Variants in AGBL1 observed in about 807,000 individuals in gnomAD.
The protein encoded by AGBL1 is AGBL carboxypeptidase 1.
A neutral mutation model predicts 118.9 loss-of-function variants in AGBL1; 130 were observed. That is an observed-to-expected ratio of 1.09 (90% CI 0.95 to 1.26). AGBL1 has a LOEUF of 1.26. Ranked by LOEUF, AGBL1 falls within the 50% of genes most tolerant of loss-of-function variation. The pLI is 0.00. For synonymous variants in AGBL1, 555 were observed against 478.9 expected, an observed-to-expected ratio of 1.16 and a Z score of -2.08; for missense variants, 1,584 against 1,298.1, an observed-to-expected ratio of 1.22 and a Z score of -3.38.
chr15:86,999,345 A>G (rs1253846767), intron 24 of AGBL1, among the ~76,000 whole-genome samples: 1 of 149,660 alleles, frequency 6.7e-6, no homozygotes, highest in South Asian at 2.1e-4. Flanking sequence ...AGCATTAGGT[A>G]TATCTCCCGA....
At chr15:86,267,658 T>A (rs778294954) in intron 13 of AGBL1, among the ~76,000 whole-genome samples, 9 of 152,192 alleles carry the variant, frequency 5.9e-5, no homozygotes, top group South Asian at 4.1e-4. Context: ...AAGGAAAGCC[T>A]AGGGCTGTAC....
chr15:86,972,312 G>A (rs973291277), intron 23 of AGBL1, among the ~76,000 whole-genome samples: 5 of 151,920 alleles, frequency 3.3e-5, no homozygotes, highest in African/African-American at 1.2e-4. Flanking sequence ...TCCTGAAATA[G>A]GCCTTGCTAT....
At chr15:86,642,623 A>T (rs113562073) in intron 21 of AGBL1, among the ~76,000 whole-genome samples, 3 of 151,354 alleles carry the variant, frequency 2.0e-5, no homozygotes, top group Non-Finnish European at 4.4e-5. Flanking sequence ...TACTTATTAA[A>T]TAATATTTAA....
rs560856891 is a variant in AGBL1 at position 86,086,690 on chromosome 15, C to G, written c.51+6667C>G. Among the ~76,000 whole-genome samples the G allele has an allele frequency of 2.2e-3, 332 of 152,202 alleles. 15 individuals are homozygous for G. The South Asian group carries it at 0.065, about 30-fold the overall frequency. ...AAACTGAATACATCTATGGAGTAAC[C>G]TACAGTAACATGGAGGAATCGCACA... On this transcript the variant is annotated intron_variant, in intron 1 of 22. Coordinates refer to ENST00000614907, the MANE Select transcript of AGBL1 (RefSeq NM_001386094.1).
intron 1 of AGBL1, among the ~76,000 whole-genome samples, chr15:86,118,947 G>A (rs1365658010): frequency 6.6e-6 from 1 of 152,198 alleles, no homozygotes; most frequent in Non-Finnish European, 1.5e-5. Context: ...ATGATTTCAA[G>A]CTGCCACAGC....
At chr15:86,382,240 C>G (rs1306554084) in intron 17 of AGBL1, among the ~76,000 whole-genome samples, 1 of 152,190 alleles carries the variant, frequency 6.6e-6, no homozygotes, top group Non-Finnish European at 1.5e-5. Flanking sequence ...GTATGCCACA[C>G]AGACCCGCAG....
At position 86,674,322 on chromosome 15, in the gene AGBL1, G is replaced by C. The variant is rs181958589; in HGVS notation, c.3044G>C (p.Cys1015Ser). 3,147 of 1,612,102 alleles carry C rather than the reference G, an allele frequency of 2.0e-3. 6 individuals carry two copies. Among genetic ancestry groups the C allele is most frequent in the Non-Finnish European group, 2.4e-3 (2,833 of 1,179,080 alleles). ...CTGGAGGAGATGGGAGCCATGTTCT[G>C]TTTGGGCCTCCTCATCCTGGAGCTC... ...RELEEMGAMF[C>S]LGLLILELKS... Residue 1015 changes from cysteine (C) to serine (S), a missense_variant, in exon 22 of 23, where the codon TGT becomes TCT. By Grantham distance (112) the Cys-to-Ser change is moderately radical (BLOSUM62 -1). Coordinates refer to ENST00000614907, the MANE Select transcript of AGBL1 (RefSeq NM_001386094.1).
At chr15:86,771,157 G>C (rs1346146291) in intron 22 of AGBL1, among the ~76,000 whole-genome samples, 3 of 152,022 alleles carry the variant, frequency 2.0e-5, no homozygotes, top group African/African-American at 4.8e-5. Context: ...GACTTGACTA[G>C]AGCAGAGACT....
chr15:86,698,366 A>G (rs1157863907), intron 22 of AGBL1, among the ~76,000 whole-genome samples: 2 of 151,988 alleles, frequency 1.3e-5, no homozygotes, highest in Non-Finnish European at 2.9e-5. Flanking sequence ...CCTTATTTTT[A>G]TAGAAAAGGA....
At chr15:86,578,043 A>G (rs567591251) in intron 21 of AGBL1, among the ~76,000 whole-genome samples, 1 of 152,314 alleles carries the variant, frequency 6.6e-6, no homozygotes, top group South Asian at 2.1e-4. Context: ...ACCGTCCTCC[A>G]GACCCCAGAA....
chr15:86,148,341 A>G (rs2077059733), intron 3 of AGBL1, among the ~76,000 whole-genome samples: 1 of 152,112 alleles, frequency 6.6e-6, no homozygotes, highest in South Asian at 2.1e-4. Context: ...TGAGGTAAAG[A>G]AGGATGTTCG....
chr15:86,177,371 G>T (rs1255543121), intron 5 of AGBL1, among the ~76,000 whole-genome samples: 16 of 152,136 alleles, frequency 1.1e-4, no homozygotes, highest in Non-Finnish European at 2.4e-4. Flanking sequence ...AACCCTTTCT[G>T]AATAATTGAT....
At chr15:86,985,345 AC>A (rs2081271323) in intron 23 of AGBL1, among the ~76,000 whole-genome samples, 1 of 152,108 alleles carries the variant, frequency 6.6e-6, no homozygotes, top group Non-Finnish European at 1.5e-5. Flanking sequence ...ATCATTTTAC[AC>A]CCCTACCAGC....
chr15:86,741,411 A>AAAAAAAAAAAAAAAAAAAAAAAAAAC (rs2077677423), intron 22 of AGBL1, among the ~76,000 whole-genome samples: 1 of 127,778 alleles, frequency 7.8e-6, no homozygotes, highest in Non-Finnish European at 1.7e-5. Context: ...AAAAAAAAAA[A>AAAAAAAAAAAAAAAAAAAAAAAAAAC]AAAAAAAAAA....
At chr15:86,662,384 A>G (rs1447543623) in intron 21 of AGBL1, among the ~76,000 whole-genome samples, 1 of 152,222 alleles carries the variant, frequency 6.6e-6, no homozygotes, top group Non-Finnish European at 1.5e-5. Flanking sequence ...ATATTTTCCC[A>G]TTTTTAAGAA....
intron 21 of AGBL1, among the ~76,000 whole-genome samples, chr15:86,571,361 G>A (rs572176932): frequency 6.6e-6 from 1 of 152,266 alleles, no homozygotes; most frequent in South Asian, 2.1e-4. Flanking sequence ...CAGGAAGAAT[G>A]AGGTTCACAG....
chr15:86,471,377 G>A (rs895533327), intron 18 of AGBL1, among the ~76,000 whole-genome samples: 4 of 151,940 alleles, frequency 2.6e-5, no homozygotes, highest in Non-Finnish European at 1.5e-5. Flanking sequence ...AACCATCTTT[G>A]TATCTCAGGG....
At chr15:86,767,620 CTTAT>C (rs1306135000) in intron 22 of AGBL1, among the ~76,000 whole-genome samples, 1 of 151,874 alleles carries the variant, frequency 6.6e-6, no homozygotes, top group African/African-American at 2.4e-5. Context: ...TCTCATTTGA[CTTAT>C]TTCTTTCAAC....
At chr15:86,641,858 A>G (rs2085197408) in intron 21 of AGBL1, among the ~76,000 whole-genome samples, 1 of 152,162 alleles carries the variant, frequency 6.6e-6, no homozygotes, top group African/African-American at 2.4e-5. Context: ...CCTAAACAAC[A>G]AGCATTCATT....
Sources: allele counts gnomAD v4.1 joint callset (sites outside exome capture counted in the v4.1 genomes callset), GRCh38; gene constraint gnomAD v4.1.1; transcripts MANE v1.5; gene names NCBI Gene and HGNC (gene_info 2026-07-23, HGNC 2026-07-21).